CSMD3: variants seen among roughly 807,000 people sequenced by gnomAD.
CSMD3 encodes CUB and Sushi multiple domains 3, also known as CUB and sushi domain-containing protein 3.
A neutral mutation model predicts 435.2 loss-of-function variants in CSMD3; 177 were observed. The observed-to-expected ratio is 0.41, with a 90% CI of 0.36 to 0.46. CSMD3 has a LOEUF of 0.46. CSMD3 is among the 20% of genes least tolerant of loss of function. The pLI is 0.34. For synonymous variants in CSMD3, 1,656 were observed against 1,520.5 expected (o/e 1.09, Z -2.07); for missense variants, 4,265 against 4,504.6 (o/e 0.95, Z 1.52).
chr8:112,222,995 C>A lies in CSMD3; in HGVS notation c.*1776G>T. 2.5e-6 allele frequency: 1 copy of A among 397,450 alleles called. No individual in the cohort carries two copies. The highest frequency in any genetic ancestry group is 3.6e-5 in the East Asian group (1 of 27,900). The allele number at this position is 397,450 out of a possible 1,614,324, so 24.6% of individuals were successfully genotyped here. A position where few individuals can be genotyped will look rare whatever the true frequency, so the allele number is the denominator to read the frequency against. Reference sequence around the variant, plus strand: ...ACTGAAAATTTACATCATACTTTTACAAAGTTTCTTTTCATAAAAATATAC... The same window carrying A: ...ACTGAAAATTTACATCATACTTTTAAAAAGTTTCTTTTCATAAAAATATAC... On this transcript the variant is annotated 3_prime_UTR_variant, in exon 71 of 71. Coordinates refer to ENST00000297405, the MANE Select transcript of CSMD3 (RefSeq NM_198123.2).
At chr8:112,319,676 G>A (rs569834824) in intron 46 of CSMD3, among the ~76,000 whole-genome samples, 12 of 152,148 alleles carry the variant, frequency 7.9e-5, no homozygotes, top group South Asian at 6.2e-4. Flanking sequence ...ATTTTAACAC[G>A]TTTTCTTATT....
At chr8:113,252,932 T>A (rs1165264239) in intron 3 of CSMD3, among the ~76,000 whole-genome samples, 1 of 152,086 alleles carries the variant, frequency 6.6e-6, no homozygotes, top group African/African-American at 2.4e-5. Flanking sequence ...AGGCATTATT[T>A]AAGAATGAGG....
At chr8:112,694,966 C>T (rs1212146772) in intron 13 of CSMD3, among the ~76,000 whole-genome samples, 2 of 152,098 alleles carry the variant, frequency 1.3e-5, no homozygotes, top group Non-Finnish European at 2.9e-5. Context: ...GTGTGCAGCC[C>T]ACCGAGTGTG....
chr8:113,305,270 G>A (rs968275975), intron 2 of CSMD3, among the ~76,000 whole-genome samples: 1 of 151,928 alleles, frequency 6.6e-6, no homozygotes, highest in Non-Finnish European at 1.5e-5. Flanking sequence ...TCTGCACATT[G>A]TACACATGTA....
intron 4 of CSMD3, among the ~76,000 whole-genome samples, chr8:113,106,009 T>C (rs2090464371): frequency 6.6e-6 from 1 of 151,920 alleles, no homozygotes; most frequent in Non-Finnish European, 1.5e-5. Context: ...TTATAGCAGA[T>C]ATAACTATAT....
At chr8:113,392,655 C>G (rs1466468630) in intron 1 of CSMD3, among the ~76,000 whole-genome samples, 2 of 152,014 alleles carry the variant, frequency 1.3e-5, no homozygotes, top group African/African-American at 2.4e-5. Flanking sequence ...AGATTCTCAA[C>G]TATTAGAGAA....
intron 1 of CSMD3, among the ~76,000 whole-genome samples, chr8:113,374,671 G>A (rs543704561): frequency 6.6e-6 from 1 of 151,952 alleles, no homozygotes; most frequent in South Asian, 2.1e-4. Context: ...TTTGAGCTCA[G>A]CTGTGGAGGA....
intron 10 of CSMD3, among the ~76,000 whole-genome samples, chr8:112,889,625 T>C (rs2081721438): frequency 6.6e-6 from 1 of 151,640 alleles, no homozygotes; most frequent in Non-Finnish European, 1.5e-5. Flanking sequence ...TGGGAAAACT[T>C]CAAATTGAAT....
intron 22 of CSMD3, among the ~76,000 whole-genome samples, chr8:112,618,349 T>C (rs1463571122): frequency 6.6e-6 from 1 of 152,064 alleles, no homozygotes; most frequent in Non-Finnish European, 1.5e-5. Context: ...ATATGGTTAT[T>C]AAGCCATAGT....
At chr8:112,416,909 T>C (rs1406042732) in intron 32 of CSMD3, among the ~76,000 whole-genome samples, 1 of 152,094 alleles carries the variant, frequency 6.6e-6, no homozygotes, top group South Asian at 2.1e-4. Context: ...TAAGAGGTTG[T>C]AGTGAATTCA....
intron 11 of CSMD3, among the ~76,000 whole-genome samples, chr8:112,850,996 T>C (rs751293049): frequency 3.3e-5 from 5 of 152,222 alleles, no homozygotes; most frequent in African/African-American, 7.2e-5. Context: ...TACTTTTATT[T>C]TTAATATAAC....
chr8:112,860,324 AAT>A (rs2080790994), intron 10 of CSMD3, among the ~76,000 whole-genome samples: 1 of 151,832 alleles, frequency 6.6e-6, no homozygotes, highest in African/African-American at 2.4e-5. Flanking sequence ...GTGTTGATTT[AAT>A]AGTTACAGTA....
intron 5 of CSMD3, among the ~76,000 whole-genome samples, chr8:113,031,900 T>C (rs2087125916): frequency 6.6e-6 from 1 of 151,544 alleles, no homozygotes; most frequent in African/African-American, 2.4e-5. Context: ...TGCCTGCTGC[T>C]CTCATGATAG....
intron 1 of CSMD3, among the ~76,000 whole-genome samples, chr8:113,420,649 G>T (rs2129936638): frequency 1.3e-5 from 2 of 152,008 alleles, no homozygotes; most frequent in African/African-American, 4.8e-5. Context: ...GTAATATAAA[G>T]TAAGAAATAT....
At chr8:113,119,134 C>A (rs1434099091) in intron 4 of CSMD3, among the ~76,000 whole-genome samples, 2 of 152,070 alleles carry the variant, frequency 1.3e-5, no homozygotes, top group African/African-American at 4.8e-5. Flanking sequence ...CTCCTGAATT[C>A]TATATTTTAA....
chr8:113,153,088 G>GAAAGAAAGA (rs1554791116), intron 4 of CSMD3, among the ~76,000 whole-genome samples: 1,765 of 86,810 alleles, frequency 0.02, 40 homozygotes, highest in East Asian at 0.19. Context: ...AAGAAAGAAA[G>GAAAGAAAGA]AAAGAAAGAA....
chr8:112,412,008 T>C (rs1811402981), intron 32 of CSMD3, among the ~76,000 whole-genome samples: 1 of 152,136 alleles, frequency 6.6e-6, no homozygotes, highest in Non-Finnish European at 1.5e-5. Flanking sequence ...TTTGTCTCTA[T>C]GCATCTATTT....
rs147290785 is a variant in CSMD3, at chr8:112,967,880, G to T, written c.1342+7957C>A. ...AGATGGAACAGAAAAAAACTGAAAA[G>T]AAGTAAAGAGAAAAAAGAAAAACAA... On this transcript the variant is annotated intron_variant, in intron 7 of 70. Coordinates refer to ENST00000297405, the MANE Select transcript of CSMD3 (RefSeq NM_198123.2). Among the ~76,000 whole-genome samples, 904 of 151,038 alleles carry T rather than the reference G, an allele frequency of 6.0e-3. 5 individuals carry two copies. The highest frequency in any genetic ancestry group is 0.02 in the African/African-American group (805 of 41,240).
chr8:112,425,793 T>A (rs567509203), intron 32 of CSMD3, among the ~76,000 whole-genome samples: 5 of 152,278 alleles, frequency 3.3e-5, no homozygotes, highest in African/African-American at 7.2e-5. Flanking sequence ...AATTTTCTAT[T>A]ATTAAACTCT....
Sources: gnomAD v4.1 joint callset for allele counts (sites outside exome capture counted in the v4.1 genomes callset) on GRCh38, gnomAD v4.1.1 for gene constraint, MANE v1.5 for transcripts, NCBI Gene and HGNC (gene_info 2026-07-23, HGNC 2026-07-21) for gene names.